Variants in SGCD observed in about 807,000 individuals in gnomAD.
The protein encoded by SGCD is delta-sarcoglycan.
In SGCD, 18 loss-of-function variants were observed where a neutral mutation model predicts 36.6. The observed-to-expected ratio is 0.49, with a 90% CI of 0.34 to 0.73. The LOEUF is 0.73. Ranked by LOEUF, SGCD falls within the 30% of genes least tolerant of loss-of-function variation. SGCD has a pLI of 0.01. For synonymous variants in SGCD, 133 were observed against 130.6 expected (o/e 1.02, Z -0.12); for missense variants, 387 against 346.7 (o/e 1.12, Z -0.92).
At chr5:156,620,164 G>C (rs1762187318) in intron 6 of SGCD, among the ~76,000 whole-genome samples, 1 of 152,194 alleles carries the variant, frequency 6.6e-6, no homozygotes, top group Non-Finnish European at 1.5e-5. Flanking sequence ...ATCTCTGAAA[G>C]CCTCTGGTTT....
intron 1 of SGCD, among the ~76,000 whole-genome samples, chr5:155,927,989 A>G (rs1178379534): frequency 6.6e-6 from 1 of 152,242 alleles, no homozygotes; most frequent in Non-Finnish European, 1.5e-5. Context: ...ACTGAAAGAT[A>G]ACAAAAGGCG....
At chr5:156,386,239 C>G (rs1038327108) in intron 3 of SGCD, among the ~76,000 whole-genome samples, 2 of 152,076 alleles carry the variant, frequency 1.3e-5, no homozygotes, top group African/African-American at 4.8e-5. Flanking sequence ...TAGGGTGTGA[C>G]AAGGTAAAGA....
In SGCD at chr5:156,741,093, C is replaced by T. The variant is rs980500382; in HGVS notation, c.576-16488C>T. ...TTCAGCTACCACATATATTATTTGG[C>T]TTTTATGATGTTCTGAAGGTCGCTC... On this transcript the variant is annotated intron_variant, in intron 7 of 8. Coordinates refer to ENST00000337851, the MANE Select transcript of SGCD (RefSeq NM_000337.6). Among the ~76,000 whole-genome samples, 6 of 152,232 alleles carry T rather than the reference C, an allele frequency of 3.9e-5. No individual in the cohort carries two copies. In the South Asian group the frequency reaches 1.2e-3, roughly 32 times the overall value.
the SGCD span, among the ~76,000 whole-genome samples, chr5:155,781,159 C>A: frequency 1.2e-3 from 184 of 152,240 alleles, no homozygotes; most frequent in Admixed American, 3.3e-3. Context: ...TCCTAAAAGT[C>A]AAGAAGCAGT....
At chr5:155,762,923 A>G in the SGCD span, among the ~76,000 whole-genome samples, 3 of 152,144 alleles carry the variant, frequency 2.0e-5, no homozygotes, top group African/African-American at 7.2e-5. Flanking sequence ...ATAGTCAGGA[A>G]CACATCAAAA....
At chr5:156,019,711 G>A (rs1247661565) in intron 1 of SGCD, among the ~76,000 whole-genome samples, 1 of 152,206 alleles carries the variant, frequency 6.6e-6, no homozygotes, top group Non-Finnish European at 1.5e-5. Flanking sequence ...ACTTGTGGTA[G>A]CATCCATCCA....
intron 4 of SGCD, among the ~76,000 whole-genome samples, chr5:156,523,040 T>A (rs1385332674): frequency 6.6e-6 from 1 of 152,186 alleles, no homozygotes; most frequent in Non-Finnish European, 1.5e-5. Context: ...ATTTATTCCA[T>A]CATCCTAATT....
Position 155,945,009 on chromosome 5 carries a change from G to A in SGCD, c.-282+74585G>A, listed in dbSNP as rs113679893. Among the ~76,000 whole-genome samples, 294 of 152,172 alleles carry A rather than the reference G, an allele frequency of 1.9e-3. 1 individual carries two copies. The highest frequency in any genetic ancestry group is 6.8e-3 in the African/African-American group (281 of 41,524). ...CCGAGAGTTTTTCTAGATACCAGTG[G>A]TTTTATTTGTTTCTGATTTTAGGTA... On this transcript the variant is annotated intron_variant, in intron 1 of 9. Coordinates refer to the SGCD transcript ENST00000517913.
At chr5:155,743,120 G>A in the SGCD span, among the ~76,000 whole-genome samples, 2 of 152,140 alleles carry the variant, frequency 1.3e-5, no homozygotes, top group Non-Finnish European at 2.9e-5. Flanking sequence ...TTTTTAGGTA[G>A]TCATGATTGT....
At chr5:155,955,548 T>G (rs1047159882) in intron 1 of SGCD, among the ~76,000 whole-genome samples, 1 of 152,134 alleles carries the variant, frequency 6.6e-6, no homozygotes, top group Admixed American at 6.5e-5. Context: ...TTCTCATTTT[T>G]CTTTGTGAAA....
chr5:156,652,230 C>T (rs1227797010), intron 7 of SGCD, among the ~76,000 whole-genome samples: 2 of 151,884 alleles, frequency 1.3e-5, no homozygotes, highest in Non-Finnish European at 1.5e-5. Context: ...CCTGTAATCC[C>T]AATGTTTTGG....
chr5:156,613,728 G>A (rs1036874611), intron 6 of SGCD, among the ~76,000 whole-genome samples: 11 of 152,154 alleles, frequency 7.2e-5, no homozygotes, highest in Middle Eastern at 3.2e-3. Flanking sequence ...ATTCCTATGC[G>A]AACCACTGAC....
chr5:155,827,287 T>G, the SGCD span, among the ~76,000 whole-genome samples: 1 of 151,896 alleles, frequency 6.6e-6, no homozygotes, highest in Non-Finnish European at 1.5e-5. Flanking sequence ...AGTTCAGGAG[T>G]GGGGACATCA....
intron 1 of SGCD, among the ~76,000 whole-genome samples, chr5:156,036,016 T>C (rs1759488679): frequency 6.6e-6 from 1 of 152,208 alleles, no homozygotes; most frequent in South Asian, 2.1e-4. Flanking sequence ...TGCTTTCACC[T>C]ATATTATCTC....
At chr5:156,205,495 T>C (rs1420981341) in intron 3 of SGCD, among the ~76,000 whole-genome samples, 5 of 152,132 alleles carry the variant, frequency 3.3e-5, no homozygotes, top group African/African-American at 1.2e-4. Flanking sequence ...TCATACAGGC[T>C]GTCATCGTAT....
At chr5:156,627,592 A>G (rs1762482601) in intron 6 of SGCD, among the ~76,000 whole-genome samples, 1 of 152,196 alleles carries the variant, frequency 6.6e-6, no homozygotes, top group Admixed American at 6.5e-5. Flanking sequence ...TTTAGTCTTC[A>G]TGATAAACCT....
In SGCD at chr5:156,171,283, C is replaced by T. The variant is rs6862769; in HGVS notation, c.-44+47264C>T. Among the ~76,000 whole-genome samples, 1,414 of 152,286 alleles carry T rather than the reference C, an allele frequency of 9.3e-3. 14 individuals carry two copies. The highest frequency in any genetic ancestry group is 0.032 in the African/African-American group (1,339 of 41,548). ...TTTCAATCACTGAGGACTTGGTTAA[C>T]GCAAGCTTATGACACTCACTAAGGG... On this transcript the variant is annotated intron_variant, in intron 3 of 9. Transcript: ENST00000517913.
chr5:156,131,855 A>G (rs936473485), intron 3 of SGCD, among the ~76,000 whole-genome samples: 2 of 152,228 alleles, frequency 1.3e-5, no homozygotes, highest in African/African-American at 4.8e-5. Context: ...GGGAACATCG[A>G]AGAGCTGAAT....
chr5:156,720,996 G>A (rs1220309577), intron 7 of SGCD, among the ~76,000 whole-genome samples: 1 of 152,156 alleles, frequency 6.6e-6, no homozygotes, highest in East Asian at 1.9e-4. Context: ...GAGATAATGG[G>A]ATTTCCTGGC....
Sources: gnomAD v4.1 joint callset for allele counts (sites outside exome capture counted in the v4.1 genomes callset) on GRCh38, gnomAD v4.1.1 for gene constraint, MANE v1.5 for transcripts, NCBI Gene and HGNC (gene_info 2026-07-23, HGNC 2026-07-21) for gene names.